HS6ST2: variants seen among roughly 807,000 people sequenced by gnomAD.
HS6ST2 encodes heparan-sulfate 6-O-sulfotransferase 2.
In HS6ST2, 17 loss-of-function variants were observed where a neutral mutation model predicts 33.0. That is an observed-to-expected ratio of 0.52 (90% CI 0.35 to 0.77). HS6ST2 has a LOEUF of 0.77. HS6ST2 is among the 30% of genes least tolerant of loss of function. The probability of loss-of-function intolerance (pLI) is 0.01; values close to 1 mark genes in which losing one functional copy is unlikely to be tolerated. For synonymous variants in HS6ST2, 248 were observed against 237.1 expected (o/e 1.05, Z -0.42); for missense variants, 519 against 551.7 (o/e 0.94, Z 0.59).
At chrX:132,906,605 C>T (rs1439015307) in intron 2 of HS6ST2, among the ~76,000 whole-genome samples, 1 of 111,348 alleles carries the variant, frequency 9.0e-6, no homozygotes, top group Non-Finnish European at 1.9e-5. Flanking sequence ...GAGGGTAGAT[C>T]CCTCGTGAAT....
chrX:132,640,990 G>C (rs1470240398), intron 4 of HS6ST2, among the ~76,000 whole-genome samples: 1 of 111,765 alleles, frequency 8.9e-6, no homozygotes, highest in Non-Finnish European at 1.9e-5. Context: ...CAGGTGGTGA[G>C]CACAGTTCCC....
chrX:132,770,340 G>A (rs1484420031), intron 2 of HS6ST2, among the ~76,000 whole-genome samples: 1 of 111,176 alleles, frequency 9.0e-6, no homozygotes. Context: ...CCCTGCTACT[G>A]GATTTTAACA....
At chrX:132,721,981 G>T (rs1215183013) in intron 2 of HS6ST2, among the ~76,000 whole-genome samples, 1 of 110,073 alleles carries the variant, frequency 9.1e-6, no homozygotes, top group Admixed American at 9.7e-5. Context: ...GAGGTCAGGA[G>T]ATCGAGACCA....
intron 2 of HS6ST2, among the ~76,000 whole-genome samples, chrX:132,859,034 C>T (rs747884486): frequency 8.9e-6 from 1 of 112,030 alleles, no homozygotes; most frequent in Admixed American, 9.5e-5. Context: ...TGGAAATAGC[C>T]CATTCAGTCT....
chrX:132,878,875 T>A (rs1298383754), intron 2 of HS6ST2, among the ~76,000 whole-genome samples: 2 of 111,142 alleles, frequency 1.8e-5, no homozygotes, highest in African/African-American at 6.5e-5. Flanking sequence ...CACCCTGAGC[T>A]AGTCCCAATC....
chrX:132,709,856 G>A lies in HS6ST2; in HGVS notation c.948-1362C>T, dbSNP rs745761302. Reference sequence around the variant, plus strand: ...ACACACACACAAGAAAATATTTTTAGAAGGAAAACATAAAGCCATATATTG... The same window carrying A: ...ACACACACACAAGAAAATATTTTTAAAAGGAAAACATAAAGCCATATATTG... On this transcript the variant is annotated intron_variant, in intron 2 of 4. Transcript: ENST00000370833. Among the ~76,000 whole-genome samples the A allele has an allele frequency of 1.3e-4, 7 of 53,944 alleles. No individual in the cohort carries two copies. In the South Asian group the frequency reaches 7.1e-3, roughly 54 times the overall value. 46.8% of individuals were successfully genotyped at this position (53,944 alleles called of 115,157 possible).
chrX:132,634,035 G>A (rs1031737342), intron 4 of HS6ST2, among the ~76,000 whole-genome samples: 2 of 111,764 alleles, frequency 1.8e-5, no homozygotes, highest in South Asian at 3.8e-4. Context: ...TATATGCCAC[G>A]CTGGAACGCA....
chrX:132,920,430 GAA>G (rs60133417), intron 2 of HS6ST2, among the ~76,000 whole-genome samples: 1 of 108,647 alleles, frequency 9.2e-6, no homozygotes, highest in African/African-American at 3.4e-5. Context: ...TTAAAACACA[GAA>G]AAAAAAATCT....
upstream of HS6ST2, among the ~76,000 whole-genome samples, chrX:132,959,991 C>T (rs1602941637): frequency 8.9e-6 from 1 of 112,051 alleles, no homozygotes; most frequent in Non-Finnish European, 1.9e-5. Context: ...TACTGGGGAC[C>T]GTGAGGGACC....
intron 2 of HS6ST2, among the ~76,000 whole-genome samples, chrX:132,906,696 T>A (rs1459818365): frequency 2.7e-5 from 3 of 110,798 alleles, no homozygotes; most frequent in African/African-American, 9.9e-5. Flanking sequence ...TTTCTTTTTG[T>A]TTTTTGAGAT....
rs1038818401 is a variant in HS6ST2, at chrX:132,671,130, C to T, written c.981-1931G>A. Among the ~76,000 whole-genome samples, 6 of 112,671 alleles carry T rather than the reference C, an allele frequency of 5.3e-5. No individual in the cohort carries two copies. The Admixed American group carries it at 5.6e-4, about 11-fold the overall frequency. ...TCCTGGCAAAGGATTCCTTAGGGAC[C>T]TGAGACCAGGGACCATCCTGGCTAT... On this transcript the variant is annotated intron_variant, in intron 3 of 4. Coordinates refer to ENST00000370833, the MANE Select transcript of HS6ST2 (RefSeq NM_001394073.1).
At chrX:132,843,857 C>G (rs2065727257) in intron 2 of HS6ST2, among the ~76,000 whole-genome samples, 1 of 111,512 alleles carries the variant, frequency 9.0e-6, no homozygotes, top group African/African-American at 3.3e-5. Context: ...CTGGGGAAGT[C>G]GCCTTAAGGA....
chrX:132,947,494 AC>A (rs1199211670), intron 2 of HS6ST2, among the ~76,000 whole-genome samples: 2 of 111,498 alleles, frequency 1.8e-5, no homozygotes, highest in African/African-American at 6.5e-5. Flanking sequence ...TGAAAAAAAA[AC>A]TGAACTGTTA....
At chrX:132,913,874 TGGGATTGGGGAATATGTTACCCATAAA>T (rs1044906754) in intron 2 of HS6ST2, among the ~76,000 whole-genome samples, 4 of 111,776 alleles carry the variant, frequency 3.6e-5, no homozygotes, top group Non-Finnish European at 5.6e-5. Context: ...GTTCCTGATT[TGGGATTGGGGAATATGTTACCCATAAA>T]GGGCCTGTTC....
rs188848361 is a variant in HS6ST2 at position 132,634,533 on chromosome X, G to C, written c.1068-5440C>G. 7.1e-5 allele frequency among the ~76,000 whole-genome samples: 8 copies of C among 112,033 alleles called. No individual in the cohort carries two copies. In the East Asian group the frequency reaches 2.3e-3, roughly 32 times the overall value. On this transcript the variant is annotated intron_variant, in intron 4 of 4. Coordinates refer to ENST00000370833, the MANE Select transcript of HS6ST2 (RefSeq NM_001394073.1). Reference sequence around the variant, plus strand: ...TCTGTATGCCCATGGTGACTTTACAGGCACTACACAGTTAAAGGTTTACCA... The same window carrying C: ...TCTGTATGCCCATGGTGACTTTACACGCACTACACAGTTAAAGGTTTACCA...
chrX:132,959,932 AC>A (rs2067130930), upstream of HS6ST2, among the ~76,000 whole-genome samples: 1 of 110,810 alleles, frequency 9.0e-6, no homozygotes, highest in South Asian at 3.9e-4. Context: ...TGTCTTTACC[AC>A]CCCCTAGAAT....
intron 2 of HS6ST2, among the ~76,000 whole-genome samples, chrX:132,913,603 G>A (rs755021743): frequency 5.3e-5 from 6 of 112,521 alleles, no homozygotes; most frequent in Non-Finnish European, 9.4e-5. Context: ...ACAGCCCCCT[G>A]GGCCAAGTGA....
At chrX:132,686,459 T>C (rs1329536954) in intron 3 of HS6ST2, among the ~76,000 whole-genome samples, 1 of 111,838 alleles carries the variant, frequency 8.9e-6, no homozygotes, top group African/African-American at 3.3e-5. Context: ...TGCTTGGCTC[T>C]GCTTGTCTGT....
chrX:132,660,187 T>A (rs1374881640), intron 4 of HS6ST2, among the ~76,000 whole-genome samples: 1 of 112,115 alleles, frequency 8.9e-6, no homozygotes, highest in Non-Finnish European at 1.9e-5. Context: ...TGTTTTGTTC[T>A]CTGCTGTATC....
Sources: allele counts gnomAD v4.1 joint callset (sites outside exome capture counted in the v4.1 genomes callset), GRCh38; gene constraint gnomAD v4.1.1; transcripts MANE v1.5; gene names NCBI Gene and HGNC (gene_info 2026-07-23, HGNC 2026-07-21).